The following CSMD3 variants were observed in gnomAD, a reference collection of about 807,000 sequenced individuals.
CSMD3 encodes the protein CUB and sushi domain-containing protein 3.
Under a neutral mutation model 435.2 loss-of-function variants are expected in CSMD3, and 177 were observed. The ratio of observed to expected loss-of-function variants is 0.41; its 90% CI spans 0.36 to 0.46. The LOEUF (loss-of-function observed/expected upper bound fraction) is 0.46. Ranked by LOEUF, CSMD3 falls within the 20% of genes least tolerant of loss-of-function variation. CSMD3 has a pLI of 0.34. For synonymous variants in CSMD3, 1,656 were observed against 1,520.5 expected, an observed-to-expected ratio of 1.09 and a Z score of -2.07; for missense variants, 4,265 against 4,504.6, an observed-to-expected ratio of 0.95 and a Z score of 1.52.
At chr8:112,685,831 A>G (rs768816652) in intron 14 of CSMD3, 99 bp from the exon 15 acceptor site, 2 of 775,292 alleles carry the variant, frequency 2.6e-6, no homozygotes, top group Non-Finnish European at 4.2e-6. Flanking sequence ...AATTAGCAGT[A>G]TAAGATAATA....
chr8:112,827,883 CA>C (rs2132468414), intron 12 of CSMD3, among the ~76,000 whole-genome samples: 1 of 152,200 alleles, frequency 6.6e-6, no homozygotes, highest in South Asian at 2.1e-4. Flanking sequence ...CAATTTTTGC[CA>C]CATGACTATG....
intron 4 of CSMD3, among the ~76,000 whole-genome samples, chr8:113,143,734 G>A (rs1256256870): frequency 2.0e-5 from 3 of 151,302 alleles, no homozygotes; most frequent in Non-Finnish European, 4.4e-5. Flanking sequence ...TTTATACAAC[G>A]TTCTTAAAAT....
intron 6 of CSMD3, among the ~76,000 whole-genome samples, chr8:113,018,554 T>A (rs1438376364): frequency 6.6e-6 from 1 of 152,188 alleles, no homozygotes; most frequent in Non-Finnish European, 1.5e-5. Flanking sequence ...TCCATCTTCA[T>A]AATAATCTTG....
At chr8:112,234,229 T>C in intron 68 of CSMD3, 136 bp downstream of exon 68, 2 of 559,470 alleles carry the variant, frequency 3.6e-6, no homozygotes, top group Non-Finnish European at 6.2e-6. Flanking sequence ...TTTAGAATAC[T>C]AAATATTTAT....
chr8:112,870,445 T>A (rs1052843534), intron 10 of CSMD3, among the ~76,000 whole-genome samples: 1 of 124,288 alleles, frequency 8.0e-6, no homozygotes, highest in Non-Finnish European at 1.9e-5. Context: ...ATTTTTTGCA[T>A]TTTTTTTTTT....
At chr8:112,733,341 G>T (rs1476277631) in intron 13 of CSMD3, among the ~76,000 whole-genome samples, 3 of 150,312 alleles carry the variant, frequency 2.0e-5, no homozygotes. Flanking sequence ...AAATAAATTA[G>T]AATTTGAATG....
intron 2 of CSMD3, among the ~76,000 whole-genome samples, chr8:113,300,162 C>CGAAAA (rs2093754020): frequency 8.6e-6 from 1 of 116,602 alleles, no homozygotes; most frequent in Non-Finnish European, 1.7e-5. Flanking sequence ...TCAAAAAAGT[C>CGAAAA]AAAAAAAAAA....
intron 5 of CSMD3, among the ~76,000 whole-genome samples, chr8:113,084,668 A>G (rs555835013): frequency 3.3e-4 from 50 of 151,640 alleles, no homozygotes; most frequent in African/African-American, 1.2e-3. Context: ...ATACTAAGAA[A>G]AAAGAAAAAA....
At chr8:113,105,945 T>A (rs1449141697) in intron 4 of CSMD3, among the ~76,000 whole-genome samples, 4 of 151,328 alleles carry the variant, frequency 2.6e-5, no homozygotes, top group African/African-American at 9.7e-5. Context: ...AAGAGAAAAA[T>A]CATTAGAAAC....
chr8:113,262,735 T>C (rs1332693862), intron 3 of CSMD3, among the ~76,000 whole-genome samples: 1 of 151,840 alleles, frequency 6.6e-6, no homozygotes, highest in Non-Finnish European at 1.5e-5. Context: ...AGCAAGAAAA[T>C]AGAGTCATCA....
chr8:112,646,896 A>G (rs1426196311), intron 19 of CSMD3, among the ~76,000 whole-genome samples: 2 of 152,316 alleles, frequency 1.3e-5, no homozygotes, highest in East Asian at 3.9e-4. Context: ...ATCTAATAAA[A>G]CAGGATAAAA....
At chr8:112,307,442 C>T (rs895162816) in intron 50 of CSMD3, among the ~76,000 whole-genome samples, 5 of 151,902 alleles carry the variant, frequency 3.3e-5, no homozygotes, top group South Asian at 2.1e-4. Context: ...TCACCAGGTC[C>T]GGCTAATATT....
At chr8:113,062,310 G>A (rs61512068) in intron 5 of CSMD3, among the ~76,000 whole-genome samples, 5 of 151,818 alleles carry the variant, frequency 3.3e-5, no homozygotes, top group Admixed American at 2.0e-4. Flanking sequence ...TTCTAAATAA[G>A]CATGAATATG....
intron 45 of CSMD3, among the ~76,000 whole-genome samples, chr8:112,333,330 G>GAATACAAAATA (rs1824253912): frequency 6.6e-6 from 1 of 152,020 alleles, no homozygotes; most frequent in African/African-American, 2.4e-5. Context: ...ACCACGCCTG[G>GAATACAAAATA]CTAATTTTGT....
rs1361689443 is a variant in CSMD3, at chr8:113,091,197, T to G, written c.917+7559A>C. On this transcript the variant is annotated intron_variant, in intron 5 of 70. Coordinates refer to ENST00000297405, the MANE Select transcript of CSMD3 (RefSeq NM_198123.2). Reference sequence around the variant, plus strand: ...TGAAAGGAGTAAGCAAGAGGAACTTTGGAGTTTAGTGTCAAAGTTGTAGGG... The same window carrying G: ...TGAAAGGAGTAAGCAAGAGGAACTTGGGAGTTTAGTGTCAAAGTTGTAGGG... Among the ~76,000 whole-genome samples the G allele has an allele frequency of 2.0e-5, 3 of 152,124 alleles. No individual in the cohort carries two copies. The East Asian group carries it at 5.8e-4, about 29-fold the overall frequency.
At chr8:112,364,881 C>T (rs1314109922) in intron 38 of CSMD3, among the ~76,000 whole-genome samples, 1 of 152,018 alleles carries the variant, frequency 6.6e-6, no homozygotes, top group African/African-American at 2.4e-5. Flanking sequence ...TTCCCATATT[C>T]CAGTGCTAAT....
chr8:112,656,096 T>C, intron 18 of CSMD3, 58 bp downstream of exon 18: 2 of 922,742 alleles, frequency 2.2e-6, no homozygotes, highest in Non-Finnish European at 3.6e-6. Context: ...AAAACTATAA[T>C]AATACAAAAA....
chr8:113,233,239 T>C (rs2093109554), intron 3 of CSMD3, among the ~76,000 whole-genome samples: 1 of 149,870 alleles, frequency 6.7e-6, no homozygotes, highest in South Asian at 2.1e-4. Flanking sequence ...ATTCAATTGA[T>C]AACTGTTCAT....
At chr8:113,007,525 A>G (rs1172684592) in intron 6 of CSMD3, among the ~76,000 whole-genome samples, 1 of 151,958 alleles carries the variant, frequency 6.6e-6, no homozygotes, top group Non-Finnish European at 1.5e-5. Context: ...AAGGTCTCAA[A>G]AGAAACAAAA....
Sources: allele counts gnomAD v4.1 joint callset (sites outside exome capture counted in the v4.1 genomes callset), GRCh38; gene constraint gnomAD v4.1.1; transcripts MANE v1.5; gene names NCBI Gene and HGNC (gene_info 2026-07-23, HGNC 2026-07-21).